NNT: variants seen among roughly 807,000 people sequenced by gnomAD.
NNT encodes the protein NAD(P) transhydrogenase, mitochondrial.
A neutral mutation model predicts 104.8 loss-of-function variants in NNT; 50 were observed. The ratio of observed to expected loss-of-function variants is 0.48; its 90% CI spans 0.38 to 0.60. NNT has a LOEUF of 0.60. Among genes scored for constraint, NNT ranks in the 20% least tolerant of loss-of-function variants. The probability of loss-of-function intolerance (pLI) is 0.00; values close to 1 mark genes in which losing one functional copy is unlikely to be tolerated. For missense variants in NNT, 1,131 were observed against 1,330.7 expected (o/e 0.85, Z 2.33); for synonymous variants, 461 against 490.4 (o/e 0.94, Z 0.79).
chr5:43,677,848 T>C (rs556633775), intron 19 of NNT, 42 bp downstream of exon 19: 50 of 1,477,850 alleles, frequency 3.4e-5, no homozygotes, highest in Non-Finnish European at 4.4e-5. Flanking sequence ...TGTGTAAAGA[T>C]GTGTGTGTGG....
rs548576459 is a variant in NNT, at chr5:43,633,893, G to A, written c.964+5506G>A. On this transcript the variant is annotated intron_variant, in intron 7 of 21. Coordinates refer to ENST00000344920, the MANE Select transcript of NNT (RefSeq NM_182977.3). ...TATTCAAAACTGGAACACATGCCCA[G>A]TCTGCAGTTTGAGGTGGCTGGCTAG... Among the ~76,000 whole-genome samples the A allele has an allele frequency of 2.0e-5, 3 of 147,252 alleles. No homozygotes were observed. The South Asian group carries it at 6.2e-4, about 31-fold the overall frequency.
At position 43,609,305 on chromosome 5, in the gene NNT, A is replaced by G. The variant is rs769948028; in HGVS notation, c.110A>G (p.Tyr37Cys). ...AAGAAGGATTTTTTACGAACATTTT[A>G]TACTCACCAAGAACTGTGGTGTAAA... ...RVKKDFLRTF[Y>C]THQELWCKAP... Residue 37 changes from tyrosine to cysteine, a missense_variant, in exon 2 of 22, where the codon TAT becomes TGT. Physicochemically the swap from Tyr to Cys is radical, Grantham distance 194. Coordinates refer to ENST00000344920, the MANE Select transcript of NNT (RefSeq NM_182977.3). 15 of 1,614,080 alleles carry G rather than the reference A, an allele frequency of 9.3e-6. No homozygotes were observed. Among genetic ancestry groups the G allele is most frequent in the African/African-American group, 1.3e-5 (1 of 75,034 alleles).
At chr5:43,654,145 A>C (rs145670902) in intron 14 of NNT, among the ~76,000 whole-genome samples, 1 of 152,316 alleles carries the variant, frequency 6.6e-6, no homozygotes, top group East Asian at 1.9e-4. Context: ...TGTCTATTGT[A>C]TGTGTATAGA....
intron 17 of NNT, among the ~76,000 whole-genome samples, chr5:43,662,168 G>T (rs1324305099): frequency 6.6e-6 from 1 of 152,096 alleles, no homozygotes; most frequent in Non-Finnish European, 1.5e-5. Flanking sequence ...AATTTATAAA[G>T]AGTATTCCCC....
At chr5:43,611,963 G>A (rs990202045) in intron 2 of NNT, among the ~76,000 whole-genome samples, 1 of 152,068 alleles carries the variant, frequency 6.6e-6, no homozygotes, top group African/African-American at 2.4e-5. Flanking sequence ...ATTATATTTT[G>A]TGATGAGGGT....
At chr5:43,622,633 A>G (rs1394170120) in intron 5 of NNT, among the ~76,000 whole-genome samples, 3 of 152,134 alleles carry the variant, frequency 2.0e-5, no homozygotes, top group Non-Finnish European at 2.9e-5. Flanking sequence ...GTTAGATTCC[A>G]TTGTTTAATA....
intron 13 of NNT, among the ~76,000 whole-genome samples, chr5:43,652,168 G>A (rs1009135547): frequency 6.6e-6 from 1 of 152,150 alleles, no homozygotes; most frequent in Non-Finnish European, 1.5e-5. Flanking sequence ...AAGGTTATCA[G>A]TATCTTCATT....
chr5:43,675,842 A>T (rs185778812), intron 18 of NNT, among the ~76,000 whole-genome samples, 172 bp downstream of exon 18: 1 of 152,248 alleles, frequency 6.6e-6, no homozygotes, highest in Admixed American at 6.5e-5. Context: ...TCTCAGTTTA[A>T]ATTAATATTT....
At chr5:43,666,810 A>C (rs1740724231) in intron 17 of NNT, 8 of 1,341,868 alleles carry the variant, frequency 6.0e-6, no homozygotes, top group Non-Finnish European at 7.3e-6. Context: ...TGGGAGCCTG[A>C]GCTGGAACTG....
chr5:43,647,427 A>G (rs1303643330), intron 10 of NNT, among the ~76,000 whole-genome samples: 1 of 152,184 alleles, frequency 6.6e-6, no homozygotes, highest in African/African-American at 2.4e-5. Context: ...ATCAGGGCAT[A>G]TTGCTTCTTA....
chr5:43,650,881 C>T (rs1301860658), intron 12 of NNT, among the ~76,000 whole-genome samples: 1 of 152,188 alleles, frequency 6.6e-6, no homozygotes, highest in Admixed American at 6.5e-5. Context: ...ATCACCGTAA[C>T]ATCTATAAAT....
At position 43,678,386 on chromosome 5, in the gene NNT, ATATTC is replaced by A. The variant is rs1453563601; in HGVS notation, c.2876+582_2876+586del. Among the ~76,000 whole-genome samples the A allele has an allele frequency of 2.0e-5, 3 of 152,242 alleles. No individual in the cohort carries two copies. In the East Asian group the frequency reaches 5.8e-4, roughly 29 times the overall value. ...AAGTTAAGTTGTTAATGAACAAGCC[ATATTC>A]TGGTCTTAGTCTTACTATTTAGATT... On this transcript the variant is annotated intron_variant, in intron 19 of 21. Coordinates refer to ENST00000344920, the MANE Select transcript of NNT (RefSeq NM_182977.3).
At chr5:43,684,550 C>T (rs188503814) in intron 19 of NNT, among the ~76,000 whole-genome samples, 6 of 151,952 alleles carry the variant, frequency 3.9e-5, no homozygotes, top group South Asian at 2.1e-4. Context: ...GTTGCCTCAT[C>T]GGGAATTTTT....
chr5:43,643,199 T>C (rs1404628370), intron 7 of NNT, among the ~76,000 whole-genome samples: 1 of 152,200 alleles, frequency 6.6e-6, no homozygotes, highest in Non-Finnish European at 1.5e-5. Flanking sequence ...GCTTACAGGC[T>C]TGAGCCACTG....
chr5:43,682,125 A>T (rs1162296496), intron 19 of NNT, among the ~76,000 whole-genome samples: 2 of 151,618 alleles, frequency 1.3e-5, no homozygotes, highest in Non-Finnish European at 1.5e-5. Flanking sequence ...GTTTAAATAC[A>T]TATTATTTTT....
At chr5:43,611,661 A>G (rs1354828555) in intron 2 of NNT, among the ~76,000 whole-genome samples, 1 of 152,214 alleles carries the variant, frequency 6.6e-6, no homozygotes, top group Non-Finnish European at 1.5e-5. Context: ...ATTCAGGTCT[A>G]GGTTGACTTA....
intron 1 of NNT, among the ~76,000 whole-genome samples, chr5:43,606,044 C>A (rs891008938): frequency 6.6e-6 from 1 of 152,152 alleles, no homozygotes; most frequent in African/African-American, 2.4e-5. Flanking sequence ...ACTAAAATGG[C>A]CTTTGAAACC....
chr5:43,642,739 A>C (rs1441092894), intron 7 of NNT, among the ~76,000 whole-genome samples: 1 of 152,212 alleles, frequency 6.6e-6, no homozygotes. Flanking sequence ...AAAACTATAC[A>C]GTTTGTAGCA....
chr5:43,643,146 G>A (rs886477458), intron 7 of NNT, among the ~76,000 whole-genome samples: 1 of 152,080 alleles, frequency 6.6e-6, no homozygotes, highest in Admixed American at 6.5e-5. Context: ...TGGAACTCCT[G>A]GGCTCAAGTG....
Sources: allele counts gnomAD v4.1 joint callset (sites outside exome capture counted in the v4.1 genomes callset), GRCh38; gene constraint gnomAD v4.1.1; transcripts MANE v1.5; gene names NCBI Gene and HGNC (gene_info 2026-07-23, HGNC 2026-07-21).